PAG1: variants seen among roughly 807,000 people sequenced by gnomAD.
The protein encoded by PAG1 is phosphoprotein associated with glycosphingolipid-enriched microdomains 1.
Under a neutral mutation model 31.7 loss-of-function variants are expected in PAG1, and 23 were observed. The observed-to-expected ratio is 0.73, with a 90% CI of 0.52 to 1.03. PAG1 has a LOEUF of 1.03. Ranked by LOEUF, PAG1 falls within the 50% of genes least tolerant of loss-of-function variation. The probability of loss-of-function intolerance (pLI) is 0.00; values close to 1 mark genes in which losing one functional copy is unlikely to be tolerated. For missense variants in PAG1, 473 were observed against 540.7 expected, an observed-to-expected ratio of 0.87 and a Z score of 1.24; for synonymous variants, 214 against 210.3, an observed-to-expected ratio of 1.02 and a Z score of -0.15.
At chr8:81,070,871 TG>T (rs1044155422) in intron 1 of PAG1, among the ~76,000 whole-genome samples, 18 of 152,310 alleles carry the variant, frequency 1.2e-4, no homozygotes, top group African/African-American at 3.6e-4. Context: ...ATTCTGTTTT[TG>T]TAGAACTGTG....
chr8:81,051,469 A>G (rs1808727390), intron 2 of PAG1, among the ~76,000 whole-genome samples: 2 of 152,202 alleles, frequency 1.3e-5, no homozygotes, highest in South Asian at 4.1e-4. Flanking sequence ...CACATATATA[A>G]GATTTTGGCA....
intron 3 of PAG1, among the ~76,000 whole-genome samples, chr8:81,004,184 C>G (rs10094081): frequency 4.4e-4 from 67 of 152,320 alleles, no homozygotes; most frequent in African/African-American, 1.6e-3. Flanking sequence ...AAACACTTCT[C>G]CTGAAAGCTT....
Position 81,011,028 on chromosome 8 carries a change from C to T in PAG1, c.-80-17721G>A, listed in dbSNP as rs78096324. Among the ~76,000 whole-genome samples, 1,073 of 152,268 alleles carry T rather than the reference C, an allele frequency of 7.0e-3. 17 individuals are homozygous for T. Among genetic ancestry groups the T allele is most frequent in the African/African-American group, 0.024 (1,014 of 41,542 alleles). ...ATGACCAACCATTCTGAAACTCTCC[C>T]GTCCACTCCACTACACTCAGCCTTC... On this transcript the variant is annotated intron_variant, in intron 3 of 8. Coordinates refer to ENST00000220597, the MANE Select transcript of PAG1 (RefSeq NM_018440.4).
At chr8:81,038,215 G>A (rs1808494559) in intron 2 of PAG1, among the ~76,000 whole-genome samples, 1 of 152,210 alleles carries the variant, frequency 6.6e-6, no homozygotes, top group Non-Finnish European at 1.5e-5. Context: ...CCAGGAAGCC[G>A]AGAAAGTTGT....
chr8:81,065,528 G>A (rs1037278244), intron 2 of PAG1, among the ~76,000 whole-genome samples: 3 of 152,144 alleles, frequency 2.0e-5, no homozygotes, highest in Non-Finnish European at 4.4e-5. Flanking sequence ...GCAGCCAAGA[G>A]TGGATAATGA....
Position 80,985,320 on chromosome 8 carries a change from G to A in PAG1, c.332C>T (p.Ser111Leu), listed in dbSNP as rs144398056. The A allele has an allele frequency of 7.4e-6, 12 of 1,614,058 alleles. No individual in the cohort carries two copies. In the African/African-American group the frequency reaches 1.6e-4, roughly 22 times the overall value. ...CTGGGAATCCAGCAGATCCGAGGCC[G>A]ATGTCTGGACTTCCTCGTAATGCTG... ...CMQHYEEVQT[S>L]ASDLLDSQDS... Residue 111 changes from serine (S) to leucine (L), a missense_variant, in exon 7 of 9, where the codon TCG becomes TTG. By Grantham distance (145) the Ser-to-Leu change is moderately radical. Transcript: ENST00000220597.
intron 1 of PAG1, among the ~76,000 whole-genome samples, chr8:81,086,936 T>C (rs1018289034): frequency 2.4e-4 from 36 of 152,206 alleles, no homozygotes; most frequent in African/African-American, 8.2e-4. Flanking sequence ...AATGTACATG[T>C]CCATGACTGA....
chr8:81,067,091 G>A (rs879632748), intron 2 of PAG1, among the ~76,000 whole-genome samples: 5 of 152,154 alleles, frequency 3.3e-5, no homozygotes, highest in Non-Finnish European at 7.3e-5. Context: ...GAGCTCAGGG[G>A]TTTGAGGCTA....
At chr8:81,047,133 C>T (rs759217817) in intron 2 of PAG1, among the ~76,000 whole-genome samples, 1 of 152,092 alleles carries the variant, frequency 6.6e-6, no homozygotes, top group Non-Finnish European at 1.5e-5. Context: ...TTTGCTATTG[C>T]GAATAGTACC....
At chr8:81,024,534 C>A (rs926841207) in intron 3 of PAG1, among the ~76,000 whole-genome samples, 3 of 152,128 alleles carry the variant, frequency 2.0e-5, no homozygotes, top group African/African-American at 7.2e-5. Flanking sequence ...ATGTATGTAT[C>A]CACAAGACCT....
rs1360888625 is a variant in PAG1, at chr8:80,977,025, TG to T, written c.937-120del. ...TCTGTGTGTGTACTCCTTAAAGATT[TG>T]TTCTTTCTTATCTGTACTAATTATG... On this transcript the variant is annotated intron_variant, in intron 8 of 8. Transcript: ENST00000220597. The T allele has an allele frequency of 3.8e-5, 32 of 850,698 alleles. No homozygotes were observed. The African/African-American group carries it at 4.7e-4, about 13-fold the overall frequency. 52.7% of individuals were successfully genotyped at this position (850,698 alleles called of 1,614,324 possible).
At chr8:80,987,253 GA>G in intron 6 of PAG1, 116 bp downstream of exon 6, 1 of 687,862 alleles carries the variant, frequency 1.5e-6, no homozygotes, top group Non-Finnish European at 2.6e-6. Context: ...AAACTGCTAG[GA>G]ATACTAAAAC....
In PAG1 at chr8:80,974,795, T is replaced by C. The variant is rs1807150088; in HGVS notation, c.*1749A>G. Reference sequence around the variant, plus strand: ...AAATAATTTCCTCATTTTTTTTCTTTATCAGTGTAGGAAAAGCTGTCTTTC... The same window carrying C: ...AAATAATTTCCTCATTTTTTTTCTTCATCAGTGTAGGAAAAGCTGTCTTTC... On this transcript the variant is annotated 3_prime_UTR_variant, in exon 9 of 9. Transcript: ENST00000220597. 6.6e-6 allele frequency: 1 copy of C among 152,222 alleles called. No homozygotes were observed. The highest frequency in any genetic ancestry group is 1.5e-5 in the Non-Finnish European group (1 of 68,032). 9.4% of individuals were successfully genotyped at this position (152,222 alleles called of 1,614,324 possible). A position where few individuals can be genotyped will look rare whatever the true frequency, so the allele number is the denominator to read the frequency against.
chr8:80,969,348 C>T lies in PAG1; in HGVS notation c.*7196G>A, dbSNP rs751568660. The T allele has an allele frequency of 1.3e-5, 2 of 152,174 alleles. No individual in the cohort carries two copies. The highest frequency in any genetic ancestry group is 2.4e-5 in the African/African-American group (1 of 41,444). 9.4% of individuals were successfully genotyped at this position (152,174 alleles called of 1,614,324 possible). ...TTGTCAAAGGAATGCTCAAAATCCT[C>T]AACCCATAGACTCAGGCTTTTGGTC... On this transcript the variant is annotated 3_prime_UTR_variant, in exon 9 of 9. Coordinates refer to ENST00000220597, the MANE Select transcript of PAG1 (RefSeq NM_018440.4).
intron 2 of PAG1, among the ~76,000 whole-genome samples, chr8:81,057,680 C>G (rs370522877): frequency 3.3e-5 from 5 of 152,086 alleles, no homozygotes; most frequent in African/African-American, 7.2e-5. Context: ...CAAACCTGCA[C>G]GTTGTGCACA....
intron 1 of PAG1, among the ~76,000 whole-genome samples, chr8:81,074,481 G>T (rs1809146362): frequency 6.6e-6 from 1 of 152,182 alleles, no homozygotes; most frequent in Admixed American, 6.5e-5. Context: ...GTACTGGTGG[G>T]CCACAAATGG....
intron 3 of PAG1, among the ~76,000 whole-genome samples, chr8:81,011,959 G>A (rs944231754): frequency 7.9e-5 from 12 of 152,134 alleles, no homozygotes; most frequent in African/African-American, 2.2e-4. Context: ...ACTTCCAATC[G>A]TCTGTTGAGG....
At chr8:80,987,946 A>G (rs1817196168) in intron 5 of PAG1, among the ~76,000 whole-genome samples, 1 of 152,236 alleles carries the variant, frequency 6.6e-6, no homozygotes, top group African/African-American at 2.4e-5. Context: ...AAAATAAAAT[A>G]CACTAAATTG....
chr8:81,102,185 C>T (rs1385495836), intron 1 of PAG1, among the ~76,000 whole-genome samples: 2 of 152,014 alleles, frequency 1.3e-5, no homozygotes, highest in African/African-American at 2.4e-5. Context: ...TACCATATTA[C>T]TTTGTATTGT....
Sources: allele counts gnomAD v4.1 joint callset (sites outside exome capture counted in the v4.1 genomes callset), GRCh38; gene constraint gnomAD v4.1.1; transcripts MANE v1.5; gene names NCBI Gene and HGNC (gene_info 2026-07-23, HGNC 2026-07-21).